ERI1: variants seen among roughly 807,000 people sequenced by gnomAD.
ERI1 encodes the protein exoribonuclease 1.
Under a neutral mutation model 39.7 loss-of-function variants are expected in ERI1, and 39 were observed. The ratio of observed to expected loss-of-function variants is 0.98; its 90% CI spans 0.76 to 1.28. The LOEUF is 1.28. Ranked by LOEUF, ERI1 falls within the 50% of genes most tolerant of loss-of-function variation. ERI1 has a pLI of 0.00. For synonymous variants in ERI1, 204 were observed against 149.6 expected, an observed-to-expected ratio of 1.36 and a Z score of -2.65; for missense variants, 581 against 416.9, an observed-to-expected ratio of 1.39 and a Z score of -3.43.
intron 3 of ERI1, among the ~76,000 whole-genome samples, chr8:9,072,927 T>C (rs907844645): frequency 5.9e-5 from 9 of 152,250 alleles, no homozygotes; most frequent in African/African-American, 2.2e-4. Context: ...CCTGCCGGGA[T>C]GCGTCTTTCG....
At chr8:9,078,503 A>T (rs1799274710) in intron 3 of ERI1, among the ~76,000 whole-genome samples, 1 of 152,108 alleles carries the variant, frequency 6.6e-6, no homozygotes, top group African/African-American at 2.4e-5. Context: ...TTTTAACCCA[A>T]AGTGCAGACT....
chr8:9,091,922 G>A (rs916762572), intron 3 of ERI1, among the ~76,000 whole-genome samples: 4 of 152,220 alleles, frequency 2.6e-5, no homozygotes, highest in Non-Finnish European at 5.9e-5. Flanking sequence ...GTTGGAAAGA[G>A]CTTTCTGAAC....
chr8:9,031,855 T>C lies in ERI1; in HGVS notation c.*1821T>C, dbSNP rs1282520477. 6.6e-6 allele frequency: 1 copy of C among 152,300 alleles called. No individual in the cohort carries two copies. 9.4% of individuals were successfully genotyped at this position (152,300 alleles called of 1,614,324 possible). On this transcript the variant is annotated 3_prime_UTR_variant, in exon 7 of 7. Coordinates refer to ENST00000250263, the MANE Select transcript of ERI1 (RefSeq NM_153332.4). Reference sequence around the variant, plus strand: ...TCACTGCAACCTCCGCCTCCTGGGCTCAGGTGATCCTCTTGCCTCAGCCTC... The same window carrying C: ...TCACTGCAACCTCCGCCTCCTGGGCCCAGGTGATCCTCTTGCCTCAGCCTC...
intron 1 of ERI1, 130 bp downstream of exon 1, chr8:9,003,301 C>T (rs61730232): frequency 0.06 from 28,906 of 481,640 alleles, 1,053 homozygotes; most frequent in Non-Finnish European, 0.075. Flanking sequence ...GCCTCTTCCT[C>T]GGTGCCCAGC....
intron 1 of ERI1, among the ~76,000 whole-genome samples, chr8:9,005,514 G>GTTTTTT (rs60847461): frequency 6.9e-5 from 9 of 130,820 alleles, no homozygotes; most frequent in African/African-American, 2.2e-4. Context: ...GTTTTTTTAT[G>GTTTTTT]TTTTTTTTTT....
intron 3 of ERI1, among the ~76,000 whole-genome samples, chr8:9,064,710 A>G (rs1335609809): frequency 6.6e-6 from 1 of 152,118 alleles, no homozygotes; most frequent in Non-Finnish European, 1.5e-5. Context: ...TCCTAGGTGG[A>G]TCTTTTTCAC....
intron 1 of ERI1, among the ~76,000 whole-genome samples, chr8:9,004,861 T>C (rs1304379619): frequency 1.3e-5 from 2 of 151,978 alleles, no homozygotes; most frequent in African/African-American, 4.8e-5. Context: ...CTAGTTTTTG[T>C]ATTTTTAGTA....
At chr8:9,082,170 T>G (rs1460910877) in intron 3 of ERI1, among the ~76,000 whole-genome samples, 1 of 152,254 alleles carries the variant, frequency 6.6e-6, no homozygotes, top group African/African-American at 2.4e-5. Flanking sequence ...AGGTCCACTA[T>G]GAGCCTGGTT....
At chr8:9,099,580 G>A (rs1217674046) in intron 3 of ERI1, among the ~76,000 whole-genome samples, 2 of 148,142 alleles carry the variant, frequency 1.4e-5, no homozygotes, top group African/African-American at 5.0e-5. Flanking sequence ...GGGCAATAGA[G>A]CGGGACACTC....
intron 3 of ERI1, among the ~76,000 whole-genome samples, chr8:9,016,090 A>C (rs1817247452): frequency 6.6e-6 from 1 of 152,204 alleles, no homozygotes; most frequent in African/African-American, 2.4e-5. Flanking sequence ...TTTGGGTTGA[A>C]ATCTTTCACA....
intron 3 of ERI1, among the ~76,000 whole-genome samples, chr8:9,063,220 G>C (rs1490461487): frequency 6.6e-6 from 1 of 152,172 alleles, no homozygotes; most frequent in African/African-American, 2.4e-5. Flanking sequence ...GTCTAGGGCT[G>C]TAAAGCGTCT....
intron 6 of ERI1, among the ~76,000 whole-genome samples, chr8:9,027,792 C>T (rs1426143584): frequency 1.2e-4 from 19 of 152,248 alleles, no homozygotes; most frequent in Admixed American, 5.9e-4. Context: ...AGACTCTCTT[C>T]GGTTTTATTA....
At chr8:9,022,995 C>T (rs1413089684) in intron 6 of ERI1, among the ~76,000 whole-genome samples, 1 of 152,208 alleles carries the variant, frequency 6.6e-6, no homozygotes, top group African/African-American at 2.4e-5. Context: ...ATTGTGACAT[C>T]TTAAAAAATT....
intron 6 of ERI1, among the ~76,000 whole-genome samples, chr8:9,021,212 C>G (rs1288349483): frequency 6.6e-6 from 1 of 152,188 alleles, no homozygotes; most frequent in Non-Finnish European, 1.5e-5. Context: ...TATCCCCTTA[C>G]TCTCCATTCA....
At chr8:9,042,095 A>C (rs550818119) in intron 3 of ERI1, among the ~76,000 whole-genome samples, 1 of 152,304 alleles carries the variant, frequency 6.6e-6, no homozygotes, top group Admixed American at 6.5e-5. Context: ...GCAAGAACAA[A>C]CCAAACCCAC....
chr8:9,029,741 A>T (rs201373365), intron 6 of ERI1, 51 bp from the exon 7 acceptor site: 1 of 1,600,406 alleles, frequency 6.2e-7, no homozygotes, highest in Admixed American at 1.7e-5. Flanking sequence ...TGTGGCTTAT[A>T]TTACAGTTTA....
chr8:9,009,233 C>G (rs745903834), intron 2 of ERI1: 1 of 345,776 alleles, frequency 2.9e-6, no homozygotes, highest in Non-Finnish European at 5.7e-6. Flanking sequence ...ATGTTCCCCA[C>G]TTTGGCAATC....
At position 9,032,954 on chromosome 8, in the gene ERI1, G is replaced by C. The variant is rs559628317; in HGVS notation, c.*2920G>C. ...TACCATGGAGAAGTATATGCTCCTC[G>C]AGACCAGAGACTGTGACTTCTGCAT... is the stretch of plus-strand genomic sequence containing the variant. On this transcript the variant is annotated 3_prime_UTR_variant, in exon 7 of 7. Coordinates refer to ENST00000250263, the MANE Select transcript of ERI1 (RefSeq NM_153332.4). 4.1e-4 allele frequency: 62 copies of C among 152,314 alleles called. No individual in the cohort carries two copies. Among genetic ancestry groups the C allele is most frequent in the African/African-American group, 1.3e-3 (54 of 41,576 alleles). The allele number at this position is 152,314 out of a possible 1,614,324, so 9.4% of individuals were successfully genotyped here.
At chr8:9,015,722 C>CAAAAAAA (rs758835506) in intron 3 of ERI1, among the ~76,000 whole-genome samples, 11,189 of 56,448 alleles carry the variant, frequency 0.2, 1,476 homozygotes, top group Non-Finnish European at 0.23. Context: ...ACTCTGTCTC[C>CAAAAAAA]AAAAAAAAAA....
Sources: gnomAD v4.1 joint callset for allele counts (sites outside exome capture counted in the v4.1 genomes callset) on GRCh38, gnomAD v4.1.1 for gene constraint, MANE v1.5 for transcripts, NCBI Gene and HGNC (gene_info 2026-07-23, HGNC 2026-07-21) for gene names.